ZNF829: variants seen among roughly 807,000 people sequenced by gnomAD.
ZNF829 encodes zinc finger protein 829.
In ZNF829, 25 loss-of-function variants were observed where a neutral mutation model predicts 35.2. That is an observed-to-expected ratio of 0.71 (90% CI 0.52 to 0.99). The LOEUF (loss-of-function observed/expected upper bound fraction) is 0.99, where lower values mean the gene tolerates loss of function less well. Among genes scored for constraint, ZNF829 ranks in the 50% least tolerant of loss-of-function variants. The probability of loss-of-function intolerance (pLI) is 0.00; values close to 1 mark genes in which losing one functional copy is unlikely to be tolerated. For missense variants in ZNF829, 417 were observed against 515.3 expected (o/e 0.81, Z 1.85); for synonymous variants, 136 against 163.2 (o/e 0.83, Z 1.27).
intron 5 of ZNF829, among the ~76,000 whole-genome samples, chr19:36,893,434 A>C (rs556177589): frequency 6.6e-6 from 1 of 152,290 alleles, no homozygotes; most frequent in Non-Finnish European, 1.5e-5. Context: ...AGAAGAATGG[A>C]ACTCCATGTC....
intron 1 of ZNF829, 39 bp downstream of exon 1, chr19:36,915,972 A>C: frequency 6.6e-7 from 1 of 1,525,336 alleles, no homozygotes; most frequent in Non-Finnish European, 8.8e-7. Flanking sequence ...GGGAACTTGC[A>C]GACCTGAGCC....
chr19:36,892,670 A>C, intron 5 of ZNF829, 199 bp from the exon 6 acceptor site: 1 of 655,252 alleles, frequency 1.5e-6, no homozygotes, highest in Non-Finnish European at 2.5e-6. Flanking sequence ...ATGTGGATTC[A>C]GAAAGTAGAT....
intron 1 of ZNF829, 29 bp from the exon 2 acceptor site, chr19:36,915,280 G>A: frequency 6.3e-7 from 1 of 1,586,258 alleles, no homozygotes; most frequent in Non-Finnish European, 8.6e-7. Flanking sequence ...AGTCACAATC[G>A]CATAGTTGAC....
In ZNF829 at chr19:36,888,622, A is replaced by G. The variant is rs1600724737; in HGVS notation, c.*2870T>C. 1 of 152,294 alleles carries G rather than the reference A, an allele frequency of 6.6e-6. No homozygotes were observed. The highest frequency in any genetic ancestry group is 2.4e-5 in the African/African-American group (1 of 41,556). The allele number at this position is 152,294 out of a possible 1,614,324, so 9.4% of individuals were successfully genotyped here. On this transcript the variant is annotated 3_prime_UTR_variant, in exon 6 of 6. Coordinates refer to ENST00000391711, the MANE Select transcript of ZNF829 (RefSeq NM_001037232.4). ...GGGCAGTTGTGTTACATACACATATAGTGTAGTGGGGAAAGTGTTGGCTTT... is the reference window on the plus strand; with the variant it reads ...GGGCAGTTGTGTTACATACACATATGGTGTAGTGGGGAAAGTGTTGGCTTT...
chr19:36,899,915 T>A (rs113484190), intron 5 of ZNF829, among the ~76,000 whole-genome samples: 2,002 of 152,012 alleles, frequency 0.013, 45 homozygotes, highest in African/African-American at 0.045. Flanking sequence ...AATTTTTTTT[T>A]AAACACATAT....
rs555228945 is a variant in ZNF829 at position 36,904,659 on chromosome 19, C to A, written c.319+3270G>T. Among the ~76,000 whole-genome samples, 7 of 152,244 alleles carry A rather than the reference C, an allele frequency of 4.6e-5. No individual in the cohort carries two copies. In the South Asian group the frequency reaches 1.2e-3, roughly 27 times the overall value. ...AAGTGATCTGCCCGCCTCGGCCTCC[C>A]AGGTGCTGGGTTTACAGGTGTGAGC... is the stretch of plus-strand genomic sequence containing the variant. On this transcript the variant is annotated intron_variant, in intron 5 of 5. Coordinates refer to ENST00000391711, the MANE Select transcript of ZNF829 (RefSeq NM_001037232.4).
chr19:36,897,577 G>A (rs1268608990), intron 5 of ZNF829, among the ~76,000 whole-genome samples: 1 of 152,030 alleles, frequency 6.6e-6, no homozygotes, highest in Non-Finnish European at 1.5e-5. Context: ...TATGACAAAC[G>A]TACAGCTAAC....
In ZNF829 at chr19:36,891,833, C is replaced by G; in HGVS notation, c.958G>C (p.Gly320Arg). The change falls in exon 6 of 6, where the codon GGT (glycine) becomes CGT (arginine). Residue 320 changes from glycine to arginine, a missense_variant. Gly to Arg is a moderately radical substitution (Grantham distance 125, BLOSUM62 -2). Coordinates refer to ENST00000391711, the MANE Select transcript of ZNF829 (RefSeq NM_001037232.4). ...RLIQHQRMHT[G>R]EKPYECKQCG... Reference sequence around the variant, plus strand: ...TGCTTACATTCATAAGGTTTCTCACCAGTATGCATTCTCTGATGCTGAATA... The same window carrying G: ...TGCTTACATTCATAAGGTTTCTCACGAGTATGCATTCTCTGATGCTGAATA... 1 of 1,614,128 alleles carries G rather than the reference C, an allele frequency of 6.2e-7. No homozygotes were observed. The highest frequency in any genetic ancestry group is 1.7e-4 in the Middle Eastern group (1 of 6,060).
intron 5 of ZNF829, among the ~76,000 whole-genome samples, chr19:36,893,486 C>A (rs1322893939): frequency 6.6e-6 from 1 of 152,106 alleles, no homozygotes; most frequent in Non-Finnish European, 1.5e-5. Flanking sequence ...TTTAAGGCAA[C>A]CTCTGAGCCC....
At position 36,892,369 on chromosome 19, in the gene ZNF829, GTGGGC is replaced by G. The variant is rs1568367031; in HGVS notation, c.417_421del (p.Gln139HisfsTer12). ...AGTTTTTTGAGGTGGAATAAGAAAT[GTGGGC>G]TGAATAAAAGTAGACATGTCTTCAC... On this transcript the variant is annotated frameshift_variant, in exon 6 of 6. Coordinates refer to ENST00000391711, the MANE Select transcript of ZNF829 (RefSeq NM_001037232.4). LOFTEE classifies it high-confidence loss of function. 1 of 1,613,530 alleles carries G rather than the reference GTGGGC, an allele frequency of 6.2e-7. No homozygotes were observed. The highest frequency in any genetic ancestry group is 8.5e-7 in the Non-Finnish European group (1 of 1,179,920).
intron 5 of ZNF829, among the ~76,000 whole-genome samples, chr19:36,903,179 G>A (rs1035988521): frequency 6.6e-6 from 1 of 152,240 alleles, no homozygotes; most frequent in African/African-American, 2.4e-5. Context: ...TCGAAAACCT[G>A]GATGATTTCT....
Position 36,915,903 on chromosome 19 carries a change from C to G in ZNF829, c.-85+108G>C, listed in dbSNP as rs778740879. On this transcript the variant is annotated intron_variant, in intron 1 of 5. Transcript: ENST00000391711. ...CCGCTCCGCCCGCAGGGGCCCAAGG[C>G]GCCAGCTCCCCATCGGTCTTCGGTA... 3.9e-6 allele frequency: 6 copies of G among 1,535,978 alleles called. No homozygotes were observed. In the East Asian group the frequency reaches 1.5e-4, roughly 38 times the overall value.
In ZNF829 at chr19:36,889,379, C is replaced by G. The variant is rs977336804; in HGVS notation, c.*2113G>C. ...TTCAATAGTGCTGTTACTAGTTCTTCCTTGCATGTCTAGTAGAATTCAGCT... is the reference window on the plus strand; with the variant it reads ...TTCAATAGTGCTGTTACTAGTTCTTGCTTGCATGTCTAGTAGAATTCAGCT... On this transcript the variant is annotated 3_prime_UTR_variant, in exon 6 of 6. Coordinates refer to ENST00000391711, the MANE Select transcript of ZNF829 (RefSeq NM_001037232.4). 1 of 152,098 alleles carries G rather than the reference C, an allele frequency of 6.6e-6. No homozygotes were observed. The highest frequency in any genetic ancestry group is 1.9e-4 in the East Asian group (1 of 5,176). 9.4% of individuals were successfully genotyped at this position (152,098 alleles called of 1,614,324 possible).
chr19:36,891,517 C>A lies in ZNF829; in HGVS notation c.1274G>T (p.Arg425Leu), dbSNP rs773600149. ...TCAACCAGTATGAATTCCCTCATGG[C>A]GAATGAGGTCAGAGCGACTACCAAA... is the stretch of plus-strand genomic sequence containing the variant. ...KAFGSRSDLI[R>L]HEGIHTG The change falls in exon 6 of 6, where the codon CGC becomes CTC. Residue 425 changes from arginine (R) to leucine (L), a missense_variant. Coordinates refer to ENST00000391711, the MANE Select transcript of ZNF829 (RefSeq NM_001037232.4). 1.3e-6 allele frequency: 2 copies of A among 1,570,548 alleles called. No individual in the cohort carries two copies. The highest frequency in any genetic ancestry group is 2.0e-5 in the Admixed American group (1 of 51,000).
chr19:36,899,409 C>T (rs1389092044), intron 5 of ZNF829, among the ~76,000 whole-genome samples: 1 of 151,978 alleles, frequency 6.6e-6, no homozygotes, highest in Non-Finnish European at 1.5e-5. Context: ...CAGGCCACTG[C>T]ACTCCAGTCT....
At chr19:36,914,146 A>G (rs1346470980) in intron 3 of ZNF829, among the ~76,000 whole-genome samples, 1 of 152,212 alleles carries the variant, frequency 6.6e-6, no homozygotes, top group African/African-American at 2.4e-5. Context: ...AAGCATAAAT[A>G]TAGGAGAGTA....
intron 5 of ZNF829, among the ~76,000 whole-genome samples, chr19:36,898,745 A>T (rs2073135333): frequency 6.6e-6 from 1 of 152,188 alleles, no homozygotes; most frequent in Non-Finnish European, 1.5e-5. Context: ...CCAAGAACAG[A>T]CATAGGGAAA....
Position 36,888,383 on chromosome 19 carries a change from G to A in ZNF829, c.*3109C>T, listed in dbSNP as rs1467712471. 6.6e-6 allele frequency: 1 copy of A among 151,836 alleles called. No individual in the cohort carries two copies. The highest frequency in any genetic ancestry group is 1.5e-5 in the Non-Finnish European group (1 of 68,020). The allele number at this position is 151,836 out of a possible 1,614,324, so 9.4% of individuals were successfully genotyped here. A position where few individuals can be genotyped will look rare whatever the true frequency, so the allele number is the denominator to read the frequency against. On this transcript the variant is annotated 3_prime_UTR_variant, in exon 6 of 6. Transcript: ENST00000391711. The stretch of plus-strand genomic sequence containing the variant: ...CAAAAATCTTTAATCTCCTTGCCCT[G>A]ATGATATCTGTCTCTACAATATCCA...
At chr19:36,904,160 T>C (rs570803875) in intron 5 of ZNF829, among the ~76,000 whole-genome samples, 2 of 152,164 alleles carry the variant, frequency 1.3e-5, no homozygotes, top group Non-Finnish European at 2.9e-5. Flanking sequence ...ACTATGAATA[T>C]ATTGCTATAG....
Sources: gnomAD v4.1 joint callset for allele counts (sites outside exome capture counted in the v4.1 genomes callset) on GRCh38, gnomAD v4.1.1 for gene constraint, MANE v1.5 for transcripts, NCBI Gene and HGNC (gene_info 2026-07-23, HGNC 2026-07-21) for gene names.